SLC22A4: variants seen among roughly 807,000 people sequenced by gnomAD.
SLC22A4 encodes the protein ET transporter.
In SLC22A4, 39 loss-of-function variants were observed where a neutral mutation model predicts 56.6. The observed-to-expected ratio is 0.69, with a 90% CI of 0.53 to 0.90. SLC22A4 has a LOEUF of 0.90. Ranked by LOEUF, SLC22A4 falls within the 40% of genes least tolerant of loss-of-function variation. The pLI, the probability that SLC22A4 is intolerant of heterozygous loss-of-function variation, is 0.00. For missense variants in SLC22A4, 594 were observed against 696.5 expected (o/e 0.85, Z 1.66); for synonymous variants, 241 against 281.4 (o/e 0.86, Z 1.44).
intron 9 of SLC22A4, 97 bp downstream of exon 9, chr5:132,340,797 T>C (rs1439674353): frequency 1.7e-6 from 2 of 1,170,090 alleles, no homozygotes; most frequent in Non-Finnish European, 2.6e-6. Flanking sequence ...GAGTAATAAG[T>C]AGAGACTAGC....
chr5:132,322,473 GC>G, intron 4 of SLC22A4, 118 bp downstream of exon 4: 1 of 994,006 alleles, frequency 1.0e-6, no homozygotes, highest in Non-Finnish European at 1.6e-6. Context: ...ACTCGCGGAG[GC>G]CAGCTTCCAA....
intron 7 of SLC22A4, 93 bp from the exon 8 acceptor site, chr5:132,335,725 C>G: frequency 9.9e-7 from 1 of 1,011,426 alleles, no homozygotes; most frequent in East Asian, 2.4e-5. Context: ...AATAAAAGTA[C>G]TCCCACTGAA....
chr5:132,335,744 G>T, intron 7 of SLC22A4, 74 bp from the exon 8 acceptor site: 1 of 1,255,680 alleles, frequency 8.0e-7, no homozygotes. Flanking sequence ...AAGCAAAAAG[G>T]ACAATAAAAA....
At chr5:132,330,798 G>C (rs1260294837) in intron 5 of SLC22A4, among the ~76,000 whole-genome samples, 1 of 152,142 alleles carries the variant, frequency 6.6e-6, no homozygotes, top group Non-Finnish European at 1.5e-5. Context: ...GTAAGGATTT[G>C]TCACTGACCG....
chr5:132,331,196 G>A (rs895395763), intron 5 of SLC22A4, among the ~76,000 whole-genome samples: 5 of 152,222 alleles, frequency 3.3e-5, no homozygotes, highest in East Asian at 1.9e-4. Context: ...AGCCAGATGC[G>A]GTGGTGCTCG....
intron 1 of SLC22A4, among the ~76,000 whole-genome samples, chr5:132,309,554 C>T (rs1750128599): frequency 6.6e-6 from 1 of 152,210 alleles, no homozygotes; most frequent in South Asian, 2.1e-4. Context: ...CTCACCTCAC[C>T]CCCCTTCCCA....
Sources: gnomAD v4.1 joint callset for allele counts (sites outside exome capture counted in the v4.1 genomes callset) on GRCh38, gnomAD v4.1.1 for gene constraint, MANE v1.5 for transcripts, NCBI Gene and HGNC (gene_info 2026-07-23, HGNC 2026-07-21) for gene names.